Variants in NBEA observed in about 807,000 individuals in gnomAD.
NBEA encodes lysosomal-trafficking regulator 2.
In NBEA, 44 loss-of-function variants were observed where a neutral mutation model predicts 343.4. The observed-to-expected ratio is 0.13, with a 90% CI of 0.10 to 0.16. The LOEUF (loss-of-function observed/expected upper bound fraction) is 0.16, where lower values mean the gene tolerates loss of function less well. NBEA is among the 10% of genes least tolerant of loss of function. The probability of loss-of-function intolerance (pLI) is 1.00; values close to 1 mark genes in which losing one functional copy is unlikely to be tolerated. For synonymous variants in NBEA, 1,175 were observed against 1,238.7 expected (o/e 0.95, Z 1.08); for missense variants, 2,555 against 3,631.3 (o/e 0.70, Z 7.62).
At chr13:35,381,942 T>C (rs2042032702) in intron 38 of NBEA, among the ~76,000 whole-genome samples, 3 of 152,188 alleles carry the variant, frequency 2.0e-5, no homozygotes, top group Admixed American at 2.0e-4. Flanking sequence ...TTTCTAATTA[T>C]ATTTCTTAGT....
chr13:34,949,748 A>G (rs1367734202), intron 1 of NBEA, among the ~76,000 whole-genome samples: 4 of 152,136 alleles, frequency 2.6e-5, no homozygotes, highest in Admixed American at 2.6e-4. Context: ...AGTTAAATTC[A>G]TTATATAGCT....
intron 40 of NBEA, among the ~76,000 whole-genome samples, chr13:35,464,663 G>C (rs964057088): frequency 6.6e-6 from 1 of 152,110 alleles, no homozygotes; most frequent in African/African-American, 2.4e-5. Flanking sequence ...CCAACCCAGA[G>C]TCTCATTTTC....
intron 10 of NBEA, among the ~76,000 whole-genome samples, chr13:35,087,427 G>A (rs949856593): frequency 4.6e-5 from 7 of 151,818 alleles, no homozygotes; most frequent in Non-Finnish European, 8.8e-5. Flanking sequence ...GTATGAATTT[G>A]GAAGTGGAAG....
At chr13:35,427,177 G>A (rs2044741455) in intron 38 of NBEA, among the ~76,000 whole-genome samples, 1 of 152,174 alleles carries the variant, frequency 6.6e-6, no homozygotes, top group African/African-American at 2.4e-5. Context: ...TGCTGGTGAG[G>A]AGCTGCGTTC....
At chr13:35,174,432 T>C (rs2070718519) in intron 27 of NBEA, among the ~76,000 whole-genome samples, 1 of 152,166 alleles carries the variant, frequency 6.6e-6, no homozygotes, top group African/African-American at 2.4e-5. Flanking sequence ...ATTACATGTT[T>C]AATATTGATA....
chr13:35,276,760 T>G (rs1594045808), intron 34 of NBEA, among the ~76,000 whole-genome samples: 1 of 152,346 alleles, frequency 6.6e-6, no homozygotes, highest in East Asian at 1.9e-4. Flanking sequence ...ACAGACATAC[T>G]GTAGTTCCTA....
At chr13:35,003,005 A>G (rs2061196168) in intron 1 of NBEA, among the ~76,000 whole-genome samples, 1 of 152,150 alleles carries the variant, frequency 6.6e-6, no homozygotes, top group African/African-American at 2.4e-5. Flanking sequence ...ATTTCATAGA[A>G]CAGGGATAAT....
chr13:35,286,803 T>A (rs934646780), intron 34 of NBEA, among the ~76,000 whole-genome samples: 10 of 152,152 alleles, frequency 6.6e-5, no homozygotes, highest in African/African-American at 2.4e-4. Flanking sequence ...TTTTATCTTG[T>A]TTTTTAGTGG....
rs2061077710 is a variant in NBEA, at chr13:35,000,146, G to A, written c.295-40787G>A. On this transcript the variant is annotated intron_variant, in intron 1 of 58. Transcript: ENST00000379939. ...TAAGATAGACATAAGGACAATTTCA[G>A]GCATACAGGGACTCAGAAACTTTTT... is the stretch of plus-strand genomic sequence containing the variant. Among the ~76,000 whole-genome samples the A allele has an allele frequency of 2.0e-5, 3 of 152,020 alleles. No individual in the cohort carries two copies. The South Asian group carries it at 6.2e-4, about 31-fold the overall frequency.
At chr13:35,339,036 C>T (rs547305762) in intron 36 of NBEA, among the ~76,000 whole-genome samples, 4 of 152,080 alleles carry the variant, frequency 2.6e-5, no homozygotes, top group Admixed American at 6.6e-5. Context: ...CAAAGAACCC[C>T]GCAATGAAGT....
intron 17 of NBEA, 77 bp downstream of exon 17, chr13:35,123,651 A>G (rs1483508340): frequency 7.9e-6 from 7 of 883,614 alleles, no homozygotes; most frequent in Non-Finnish European, 1.1e-5. Flanking sequence ...TATGTAATGT[A>G]GCATGAAATT....
chr13:35,306,530 AT>A (rs1015341893), intron 35 of NBEA, among the ~76,000 whole-genome samples: 3 of 151,678 alleles, frequency 2.0e-5, no homozygotes, highest in South Asian at 2.1e-4. Flanking sequence ...TTATTACTAC[AT>A]TTTTTTGGTG....
At chr13:35,034,335 G>A (rs190715953) in intron 1 of NBEA, among the ~76,000 whole-genome samples, 20 of 151,866 alleles carry the variant, frequency 1.3e-4, no homozygotes, top group Admixed American at 7.2e-4. Context: ...ATGTTGAACC[G>A]TCCTTGTATC....
intron 34 of NBEA, among the ~76,000 whole-genome samples, chr13:35,241,954 T>C (rs2030372922): frequency 6.6e-6 from 1 of 151,844 alleles, no homozygotes; most frequent in African/African-American, 2.4e-5. Flanking sequence ...CACTAAAGAC[T>C]GAGAAGTGAC....
chr13:34,983,957 A>C (rs1336717444), intron 1 of NBEA, among the ~76,000 whole-genome samples: 1 of 152,124 alleles, frequency 6.6e-6, no homozygotes, highest in African/African-American at 2.4e-5. Flanking sequence ...ATTTTCTCCC[A>C]TTCTGTAGGT....
intron 41 of NBEA, among the ~76,000 whole-genome samples, chr13:35,525,556 T>A (rs2077931835): frequency 6.8e-6 from 1 of 147,082 alleles, no homozygotes; most frequent in African/African-American, 2.4e-5. Context: ...TCCATCTCAA[T>A]AAATAAATAA....
chr13:35,512,396 T>A (rs1285589137), intron 41 of NBEA, among the ~76,000 whole-genome samples: 1 of 152,206 alleles, frequency 6.6e-6, no homozygotes, highest in Admixed American at 6.5e-5. Context: ...TGGAATAGGC[T>A]TCATTCAAGT....
At chr13:35,413,153 T>A (rs1282915961) in intron 38 of NBEA, among the ~76,000 whole-genome samples, 1 of 152,048 alleles carries the variant, frequency 6.6e-6, no homozygotes, top group Non-Finnish European at 1.5e-5. Context: ...CTGGAGGAGG[T>A]CACATCAACA....
intron 41 of NBEA, chr13:35,475,122 G>A (rs377551675): frequency 2.1e-5 from 34 of 1,613,924 alleles, no homozygotes; most frequent in Non-Finnish European, 2.7e-5. Context: ...ACGTTTGTTT[G>A]GCAGCGTTTT....
Sources: gnomAD v4.1 joint callset for allele counts (sites outside exome capture counted in the v4.1 genomes callset) on GRCh38, gnomAD v4.1.1 for gene constraint, MANE v1.5 for transcripts, NCBI Gene and HGNC (gene_info 2026-07-23, HGNC 2026-07-21) for gene names.